The following COL24A1 variants were observed in gnomAD, a reference collection of about 807,000 sequenced individuals.
The protein encoded by COL24A1 is collagen alpha-1(XXIV) chain.
In COL24A1, 224 loss-of-function variants were observed where a neutral mutation model predicts 253.9. That is an observed-to-expected ratio of 0.88 (90% CI 0.79 to 0.99). The LOEUF (loss-of-function observed/expected upper bound fraction) is 0.99, where lower values mean the gene tolerates loss of function less well. COL24A1 is among the 50% of genes least tolerant of loss of function. The probability of loss-of-function intolerance (pLI) is 0.00; values close to 1 mark genes in which losing one functional copy is unlikely to be tolerated. For synonymous variants in COL24A1, 685 were observed against 673.7 expected (o/e 1.02, Z -0.26); for missense variants, 2,131 against 2,068.5 (o/e 1.03, Z -0.59).
chr1:85,840,569 T>C, intron 42 of COL24A1, among the ~76,000 whole-genome samples: 1 of 152,148 alleles, frequency 6.6e-6, no homozygotes, highest in East Asian at 1.9e-4. Flanking sequence ...GCCAATTATA[T>C]AATATTTATT....
At chr1:86,037,001 T>C (rs182376362) in intron 12 of COL24A1, among the ~76,000 whole-genome samples, 7 of 152,180 alleles carry the variant, frequency 4.6e-5, no homozygotes, top group African/African-American at 1.7e-4. Context: ...GTTTCACAAA[T>C]GTTAACTTTC....
intron 24 of COL24A1, among the ~76,000 whole-genome samples, chr1:85,956,060 A>G (rs538545773): frequency 5.9e-5 from 9 of 152,236 alleles, no homozygotes; most frequent in Admixed American, 3.9e-4. Context: ...CTGATGCAGA[A>G]AAGAGAGACT....
intron 19 of COL24A1, among the ~76,000 whole-genome samples, chr1:85,991,287 A>G (rs1464077845): frequency 2.6e-5 from 4 of 152,254 alleles, no homozygotes; most frequent in Non-Finnish European, 4.4e-5. Flanking sequence ...GGGAGCTTCA[A>G]CAACTAAATT....
intron 23 of COL24A1, among the ~76,000 whole-genome samples, chr1:85,962,266 C>A (rs549955943): frequency 4.6e-5 from 7 of 152,116 alleles, no homozygotes; most frequent in Non-Finnish European, 8.8e-5. Flanking sequence ...ATGTTCATAA[C>A]CTCTGAAACA....
At chr1:86,089,342 A>T in intron 6 of COL24A1, 115 bp from the exon 7 acceptor site, 1 of 810,192 alleles carries the variant, frequency 1.2e-6, no homozygotes, top group South Asian at 1.6e-5. Flanking sequence ...AATCATTTCC[A>T]ATCTTCACAA....
At chr1:85,895,940 C>T (rs1571124568) in intron 30 of COL24A1, 38 bp from the exon 31 acceptor site, 1 of 1,602,874 alleles carries the variant, frequency 6.2e-7, no homozygotes, top group East Asian at 2.2e-5. Context: ...AAGTAGTCCC[C>T]TCCAAAAAGA....
chr1:86,073,306 A>T (rs1219978148), intron 7 of COL24A1, among the ~76,000 whole-genome samples: 2 of 152,188 alleles, frequency 1.3e-5, no homozygotes, highest in African/African-American at 2.4e-5. Context: ...TGAAAAACAC[A>T]GCACAAGAAC....
intron 14 of COL24A1, 125 bp from the exon 15 acceptor site, chr1:86,023,132 T>C: frequency 1.4e-6 from 1 of 724,606 alleles, no homozygotes; most frequent in Admixed American, 2.8e-5. Flanking sequence ...ACGTGCCTTG[T>C]TCTTCAACAA....
chr1:85,920,552 A>T (rs138133337), intron 24 of COL24A1, among the ~76,000 whole-genome samples: 2 of 152,282 alleles, frequency 1.3e-5, no homozygotes, highest in East Asian at 3.9e-4. Flanking sequence ...TTTTCAGTAA[A>T]GGAGGAATAT....
At chr1:85,929,884 A>G (rs1687645838) in intron 24 of COL24A1, among the ~76,000 whole-genome samples, 2 of 138,196 alleles carry the variant, frequency 1.4e-5, no homozygotes, top group African/African-American at 5.5e-5. Flanking sequence ...TTTGAAACCA[A>G]CGAGAACAAA....
At chr1:85,767,266 T>G (rs1241879445) in intron 53 of COL24A1, among the ~76,000 whole-genome samples, 1 of 152,156 alleles carries the variant, frequency 6.6e-6, no homozygotes, top group East Asian at 1.9e-4. Flanking sequence ...TTACTAGCAT[T>G]TTCTGAGAAT....
At position 86,061,194 on chromosome 1, in the gene COL24A1, A is replaced by G. The variant is rs1273090355; in HGVS notation, c.1753-2020T>C. Among the ~76,000 whole-genome samples, 7 of 152,128 alleles carry G rather than the reference A, an allele frequency of 4.6e-5. No individual in the cohort carries two copies. In the East Asian group the frequency reaches 1.4e-3, roughly 29 times the overall value. ...GAGTTTGAAGTGCAAAAAACATCCA[A>G]TAGCACTCCAAGGAAAGTCCTCTAA... is the stretch of plus-strand genomic sequence containing the variant. On this transcript the variant is annotated intron_variant, in intron 8 of 59. Coordinates refer to ENST00000370571, the MANE Select transcript of COL24A1 (RefSeq NM_152890.7).
chr1:85,832,912 C>A (rs28790025), intron 43 of COL24A1, among the ~76,000 whole-genome samples: 51,483 of 150,144 alleles, frequency 0.34, 9,603 homozygotes, highest in Non-Finnish European at 0.42. Flanking sequence ...ACTGAATACC[C>A]TTTATTTCCT....
chr1:85,755,536 G>GACC (rs35065623), intron 55 of COL24A1, among the ~76,000 whole-genome samples: 137,496 of 151,948 alleles, frequency 0.9, 62,856 homozygotes, highest in Non-Finnish European at 0.97. Flanking sequence ...CAGACATAAA[G>GACC]AATGAAATAT....
At chr1:85,786,296 T>C (rs541006162) in intron 48 of COL24A1, 58 bp downstream of exon 48, 2 of 1,456,048 alleles carry the variant, frequency 1.4e-6, no homozygotes, top group Non-Finnish European at 1.9e-6. Flanking sequence ...GCCAATGAAC[T>C]CAGGGCCAGA....
intron 5 of COL24A1, among the ~76,000 whole-genome samples, chr1:86,096,046 ATT>A (rs1186630423): frequency 6.6e-6 from 1 of 152,120 alleles, no homozygotes; most frequent in Non-Finnish European, 1.5e-5. Context: ...ACACCAAACA[ATT>A]CATTTAAACT....
intron 19 of COL24A1, among the ~76,000 whole-genome samples, chr1:86,012,922 T>A (rs577852391): frequency 9.2e-5 from 14 of 152,040 alleles, no homozygotes; most frequent in Non-Finnish European, 4.4e-5. Context: ...TTTTCTGCCT[T>A]AGGTCTAGAC....
intron 37 of COL24A1, among the ~76,000 whole-genome samples, chr1:85,862,116 C>A (rs1679221511): frequency 2.6e-5 from 4 of 152,152 alleles, no homozygotes; most frequent in Admixed American, 2.6e-4. Flanking sequence ...ATCAGTTATT[C>A]TCTTTCATTA....
chr1:86,145,133 A>G (rs1035048255), intron 2 of COL24A1, among the ~76,000 whole-genome samples: 5 of 152,092 alleles, frequency 3.3e-5, no homozygotes, highest in Non-Finnish European at 7.4e-5. Flanking sequence ...AATTTGGTCA[A>G]CCAGAGTACC....
Sources: gnomAD v4.1 joint callset for allele counts (sites outside exome capture counted in the v4.1 genomes callset) on GRCh38, gnomAD v4.1.1 for gene constraint, MANE v1.5 for transcripts, NCBI Gene and HGNC (gene_info 2026-07-23, HGNC 2026-07-21) for gene names.